The following TTC7B variants were observed in gnomAD, a reference collection of about 807,000 sequenced individuals.
TTC7B encodes tetratricopeptide repeat protein 7B.
TTC7B carries 28 observed loss-of-function variants against 106.8 expected under a neutral mutation model. The observed-to-expected ratio is 0.26, with a 90% CI of 0.19 to 0.36. The LOEUF is 0.36. TTC7B is among the 10% of genes least tolerant of loss of function. TTC7B has a pLI of 1.00. For synonymous variants in TTC7B, 405 were observed against 430.6 expected (o/e 0.94, Z 0.74); for missense variants, 862 against 1,076.4 (o/e 0.80, Z 2.79).
At chr14:90,793,697 C>T (rs1054411258) in intron 1 of TTC7B, among the ~76,000 whole-genome samples, 65 of 151,370 alleles carry the variant, frequency 4.3e-4, no homozygotes, top group African/African-American at 1.5e-3. Flanking sequence ...CAACCTCCAC[C>T]TCCTGGGTTC....
rs118065139 is a variant in TTC7B, at chr14:90,642,385, C to T, written c.1751+1663G>A. The stretch of plus-strand genomic sequence containing the variant: ...TGAAAAGCACTGATTAAAAACACAG[C>T]GAGGTGATGAGGCAGTGAAATAAAG... On this transcript the variant is annotated intron_variant, in intron 15 of 19. Transcript: ENST00000328459. 2.4e-3 allele frequency among the ~76,000 whole-genome samples: 371 copies of T among 152,282 alleles called. 7 individuals carry two copies. The East Asian group carries it at 0.042, about 17-fold the overall frequency.
chr14:90,807,932 T>G lies in TTC7B; in HGVS notation c.121+8243A>C, dbSNP rs967364506. On this transcript the variant is annotated intron_variant, in intron 1 of 19. Transcript: ENST00000328459. This position sits in a 1 kb window ranked among gnomAD's most constrained non-coding sequence, Gnocchi z 4.1. The stretch of plus-strand genomic sequence containing the variant: ...CTTTGCAATCTGGATTCTAACAAGC[T>G]GTCTAGAAGTGATTCTTTGATCCAA... 6.6e-6 allele frequency among the ~76,000 whole-genome samples: 1 copy of G among 152,206 alleles called. No homozygotes were observed. Among genetic ancestry groups the G allele is most frequent in the Non-Finnish European group, 1.5e-5 (1 of 68,032 alleles).
chr14:90,588,206 G>A (rs938810461), intron 18 of TTC7B, among the ~76,000 whole-genome samples: 1 of 152,206 alleles, frequency 6.6e-6, no homozygotes, highest in Non-Finnish European at 1.5e-5. Context: ...TGCCTGGGAG[G>A]AGTCTGGGCA....
chr14:90,668,664 G>T (rs1886508453), intron 9 of TTC7B, among the ~76,000 whole-genome samples: 1 of 152,080 alleles, frequency 6.6e-6, no homozygotes, highest in Admixed American at 6.5e-5. Flanking sequence ...TAAGGGGACA[G>T]GTTCAGCGAG....
At chr14:90,736,949 T>C (rs1889558351) in intron 4 of TTC7B, among the ~76,000 whole-genome samples, 1 of 144,050 alleles carries the variant, frequency 6.9e-6, no homozygotes, top group Admixed American at 6.9e-5. Flanking sequence ...TACATATATA[T>C]GGAAAATGGT....
chr14:90,670,945 G>T (rs937141572), intron 9 of TTC7B, among the ~76,000 whole-genome samples: 2 of 152,144 alleles, frequency 1.3e-5, no homozygotes, highest in Non-Finnish European at 2.9e-5. Flanking sequence ...TAAAACCAAA[G>T]GAAAGGGGGC....
intron 1 of TTC7B, among the ~76,000 whole-genome samples, chr14:90,809,143 T>C (rs936462894): frequency 6.6e-6 from 1 of 152,218 alleles, no homozygotes; most frequent in African/African-American, 2.4e-5. Context: ...GCCTTACTCC[T>C]GGGTCAGGTG....
intron 16 of TTC7B, among the ~76,000 whole-genome samples, chr14:90,614,559 T>C (rs1324618185): frequency 2.0e-5 from 3 of 152,190 alleles, no homozygotes; most frequent in African/African-American, 7.2e-5. Context: ...GAAAAGAAAC[T>C]GGTTGTCAGC....
rs2030327033 is a variant in TTC7B at position 90,802,372 on chromosome 14, C to T, written c.121+13803G>A. On this transcript the variant is annotated intron_variant, in intron 1 of 19. Transcript: ENST00000328459. The surrounding 1 kb of genome is among the most constrained non-coding windows in gnomAD (Gnocchi z 4.7). ...GTCAGGAGAGAAGTGAAGGCTGTGG[C>T]AGCCCGGTCCTGAGAGGGTGAGAAC... is the stretch of plus-strand genomic sequence containing the variant. Among the ~76,000 whole-genome samples the T allele has an allele frequency of 6.6e-6, 1 of 152,066 alleles. No individual in the cohort carries two copies. Among genetic ancestry groups the T allele is most frequent in the South Asian group, 2.1e-4 (1 of 4,822 alleles).
rs191339014 is a variant in TTC7B at position 90,736,585 on chromosome 14, G to C, written c.577-6389C>G. Among the ~76,000 whole-genome samples the C allele has an allele frequency of 1.6e-3, 241 of 151,580 alleles. 1 individual carries two copies. Among genetic ancestry groups the C allele is most frequent in the Middle Eastern group, 0.01 (3 of 286 alleles). On this transcript the variant is annotated intron_variant, in intron 4 of 19. Coordinates refer to ENST00000328459, the MANE Select transcript of TTC7B (RefSeq NM_001010854.2). ...AGACTCCGTCTCAGAAAAAAAAGGG[G>C]GGGTGGGTAGGAAATGAGGCCAGGC...
chr14:90,745,235 G>A (rs1012150742), intron 3 of TTC7B, among the ~76,000 whole-genome samples: 1 of 149,354 alleles, frequency 6.7e-6, no homozygotes, highest in Non-Finnish European at 1.5e-5. Context: ...GTTTGAGACT[G>A]CAGTGAGCCA....
intron 15 of TTC7B, among the ~76,000 whole-genome samples, chr14:90,626,578 C>G (rs1335212896): frequency 1.3e-5 from 2 of 152,208 alleles, no homozygotes; most frequent in African/African-American, 4.8e-5. Context: ...TGTGGGTTCC[C>G]CAGGGGCTGA....
intron 5 of TTC7B, among the ~76,000 whole-genome samples, chr14:90,704,033 C>G (rs1359275094): frequency 6.6e-6 from 1 of 152,220 alleles, no homozygotes; most frequent in African/African-American, 2.4e-5. Context: ...AGATGCCAGG[C>G]ATGCACTGAG....
intron 19 of TTC7B, among the ~76,000 whole-genome samples, chr14:90,568,735 G>A (rs148622186): frequency 6.6e-6 from 1 of 152,252 alleles, no homozygotes; most frequent in African/African-American, 2.4e-5. Flanking sequence ...CTATCCCTGT[G>A]CCAAATGATG....
chr14:90,569,142 A>G (rs1316707251), intron 19 of TTC7B, among the ~76,000 whole-genome samples: 1 of 152,204 alleles, frequency 6.6e-6, no homozygotes, highest in Non-Finnish European at 1.5e-5. Flanking sequence ...CATGGTCTCC[A>G]TATCTCCTCC....
At chr14:90,790,297 A>G (rs942622643) in intron 1 of TTC7B, among the ~76,000 whole-genome samples, 7 of 152,118 alleles carry the variant, frequency 4.6e-5, no homozygotes, top group Admixed American at 1.3e-4. Context: ...ACTTTTAGAA[A>G]AAAAAAAAAG....
chr14:90,714,855 C>T (rs971233398), intron 5 of TTC7B, among the ~76,000 whole-genome samples: 2 of 152,128 alleles, frequency 1.3e-5, no homozygotes, highest in African/African-American at 4.8e-5. Flanking sequence ...ATAGCAGCTT[C>T]CTCTATGACA....
intron 1 of TTC7B, among the ~76,000 whole-genome samples, chr14:90,812,686 A>T (rs2030963278): frequency 6.7e-6 from 1 of 150,230 alleles, no homozygotes; most frequent in Non-Finnish European, 1.5e-5. Flanking sequence ...GGTCTGGTGC[A>T]CAGCTAGGTT....
At chr14:90,621,477 G>C (rs1200132621) in intron 15 of TTC7B, among the ~76,000 whole-genome samples, 1 of 151,852 alleles carries the variant, frequency 6.6e-6, no homozygotes, top group African/African-American at 2.4e-5. Flanking sequence ...AGCCATGCGG[G>C]TATGGCTGGA....
Sources: gnomAD v4.1 joint callset for allele counts (sites outside exome capture counted in the v4.1 genomes callset) on GRCh38, gnomAD v4.1.1 for gene constraint, Gnocchi (gnomAD v3.1) non-coding constraint, MANE v1.5 for transcripts, NCBI Gene and HGNC (gene_info 2026-07-23, HGNC 2026-07-21) for gene names.